Variants in CCDC25 observed in about 807,000 individuals in gnomAD.
CCDC25 encodes the protein coiled-coil domain-containing protein 25.
Under a neutral mutation model 35.3 loss-of-function variants are expected in CCDC25, and 16 were observed. The ratio of observed to expected loss-of-function variants is 0.45; its 90% CI spans 0.31 to 0.69. The LOEUF is 0.69. Ranked by LOEUF, CCDC25 falls within the 30% of genes least tolerant of loss-of-function variation. CCDC25 has a pLI of 0.06. For missense variants in CCDC25, 179 were observed against 250.7 expected (o/e 0.71, Z 1.93); for synonymous variants, 79 against 80.3 (o/e 0.98, Z 0.09).
At chr8:27,751,041 C>T (rs986109597) in intron 5 of CCDC25, among the ~76,000 whole-genome samples, 5 of 152,216 alleles carry the variant, frequency 3.3e-5, no homozygotes, top group African/African-American at 1.2e-4. Flanking sequence ...GCTAGCTGAG[C>T]TATCGTTGCA....
chr8:27,745,698 G>C (rs1247591221), intron 7 of CCDC25, among the ~76,000 whole-genome samples: 1 of 152,222 alleles, frequency 6.6e-6, no homozygotes, highest in East Asian at 1.9e-4. Context: ...CTCTGGATGT[G>C]CCAAGCAAAG....
intron 4 of CCDC25, 148 bp downstream of exon 4, chr8:27,756,571 G>A: frequency 1.6e-6 from 1 of 607,894 alleles, no homozygotes; most frequent in South Asian, 2.0e-5. Context: ...TGATTTTCTG[G>A]GTCAGAGGGA....
chr8:27,758,414 C>T (rs1258711022), intron 3 of CCDC25, among the ~76,000 whole-genome samples: 2 of 152,140 alleles, frequency 1.3e-5, no homozygotes, highest in African/African-American at 2.4e-5. Context: ...TATGATGACT[C>T]GAGGTTTTAC....
intron 7 of CCDC25, among the ~76,000 whole-genome samples, chr8:27,747,299 G>A (rs894060931): frequency 2.6e-5 from 4 of 151,894 alleles, no homozygotes; most frequent in African/African-American, 9.7e-5. Flanking sequence ...AAAAGGCAGT[G>A]GTCAGACAGG....
intron 3 of CCDC25, among the ~76,000 whole-genome samples, chr8:27,759,910 T>C (rs7818903): frequency 0.44 from 66,043 of 151,608 alleles, 14,651 homozygotes; most frequent in East Asian, 0.63. Context: ...AGGTAATGAA[T>C]GATTCAACAG....
chr8:27,740,659 A>G, intron 7 of CCDC25, 142 bp from the exon 8 acceptor site: 1 of 618,896 alleles, frequency 1.6e-6, no homozygotes, highest in East Asian at 2.8e-5. Flanking sequence ...CTCTGCACTC[A>G]AGGAGATTGC....
intron 7 of CCDC25, among the ~76,000 whole-genome samples, chr8:27,745,116 C>T (rs1219683128): frequency 6.6e-6 from 1 of 152,140 alleles, no homozygotes; most frequent in African/African-American, 2.4e-5. Context: ...CCACCTCAGC[C>T]TCCAGAGTAG....
At chr8:27,756,528 T>G (rs1804008995) in intron 4 of CCDC25, 191 bp downstream of exon 4, 1 of 570,672 alleles carries the variant, frequency 1.8e-6, no homozygotes. Flanking sequence ...ACTGCCTCCT[T>G]CTATATCTCA....
Position 27,748,094 on chromosome 8 carries a change from C to T in CCDC25, c.534G>A (p.Arg178=), listed in dbSNP as rs766484443. 4.3e-6 allele frequency: 7 copies of T among 1,611,538 alleles called. No individual in the cohort carries two copies. In the South Asian group the frequency reaches 7.7e-5, roughly 18 times the overall value. Residue 178 remains arginine, a synonymous_variant, in exon 7 of 9, where the codon AGG becomes AGA. Transcript: ENST00000356537. ...CGACATACCTAAGTTCATCCATTTC[C>T]CTCTTCTTCTTCATTTCTTCTTTTT... ...KREKEEMKKK[R]EMDELRSYSS...
At chr8:27,749,437 G>A (rs1201387098) in intron 5 of CCDC25, among the ~76,000 whole-genome samples, 3 of 152,218 alleles carry the variant, frequency 2.0e-5, no homozygotes, top group African/African-American at 7.2e-5. Context: ...ATGACATCAT[G>A]TGCTGCCTGA....
At chr8:27,742,203 A>G (rs1297817819) in intron 7 of CCDC25, among the ~76,000 whole-genome samples, 4 of 152,230 alleles carry the variant, frequency 2.6e-5, no homozygotes, top group Non-Finnish European at 4.4e-5. Flanking sequence ...AAAACTGAAG[A>G]CCAGTGGGAA....
chr8:27,756,010 C>T (rs1050908162), intron 4 of CCDC25, among the ~76,000 whole-genome samples: 20 of 152,184 alleles, frequency 1.3e-4, no homozygotes, highest in African/African-American at 4.3e-4. Context: ...TAGGTGACAG[C>T]GATGTGCCAA....
intron 5 of CCDC25, among the ~76,000 whole-genome samples, chr8:27,751,772 C>T (rs1803819504): frequency 6.6e-6 from 1 of 152,180 alleles, no homozygotes. Context: ...AATAATCATC[C>T]TTCTTGACCC....
intron 3 of CCDC25, among the ~76,000 whole-genome samples, chr8:27,758,170 C>T (rs1431830921): frequency 1.3e-5 from 2 of 152,118 alleles, no homozygotes; most frequent in Non-Finnish European, 2.9e-5. Flanking sequence ...CTTACCTTTC[C>T]AGACTGAAGA....
In CCDC25 at chr8:27,772,593, C is replaced by G. The variant is rs2128949816; in HGVS notation, c.-53G>C. 2 of 1,535,920 alleles carry G rather than the reference C, an allele frequency of 1.3e-6. No homozygotes were observed. The highest frequency in any genetic ancestry group is 8.8e-7 in the Non-Finnish European group (1 of 1,135,902). On this transcript the variant is annotated 5_prime_UTR_variant, in exon 1 of 9. Coordinates refer to ENST00000356537, the MANE Select transcript of CCDC25 (RefSeq NM_018246.3). ...CCGCGGAGCAGCAGCGCTCAACTCA[C>G]GAAGCTCAGGATACCAGACTCGCGG...
intron 7 of CCDC25, among the ~76,000 whole-genome samples, chr8:27,744,508 T>A (rs1037299635): frequency 2.0e-5 from 3 of 152,224 alleles, no homozygotes; most frequent in African/African-American, 4.8e-5. Context: ...TGGTTCTTCA[T>A]GAGACTGTCA....
At position 27,748,964 on chromosome 8, in the gene CCDC25, C is replaced by T. The variant is rs55918610; in HGVS notation, c.245-366G>A. Among the ~76,000 whole-genome samples the T allele has an allele frequency of 9.2e-4, 140 of 152,118 alleles. 1 individual carries two copies. The highest frequency in any genetic ancestry group is 3.2e-3 in the African/African-American group (132 of 41,470). On this transcript the variant is annotated intron_variant, in intron 5 of 8. Coordinates refer to ENST00000356537, the MANE Select transcript of CCDC25 (RefSeq NM_018246.3). ...CTTGACTCTGAAGGTTAAGCAGCAA[C>T]GGAAAGCCATGGCCTGGAACTCACA... is the stretch of plus-strand genomic sequence containing the variant.
chr8:27,770,624 A>G (rs925238793), intron 1 of CCDC25, among the ~76,000 whole-genome samples: 1 of 150,694 alleles, frequency 6.6e-6, no homozygotes, highest in Non-Finnish European at 1.5e-5. Flanking sequence ...CTGTAATCCC[A>G]GCTACACAGG....
In CCDC25 at chr8:27,765,203, C is replaced by T; in HGVS notation, c.76+1G>A. On this transcript the variant is annotated splice_donor_variant, in intron 2 of 8. Coordinates refer to ENST00000356537, the MANE Select transcript of CCDC25 (RefSeq NM_018246.3). LOFTEE classifies it high-confidence loss of function. ...AAAATCAAATGCTTTTGAAAACTTACTTTCATATTTATCTTTTCCCATGTA... is the reference window on the plus strand; with the variant it reads ...AAAATCAAATGCTTTTGAAAACTTATTTTCATATTTATCTTTTCCCATGTA... 6.6e-7 allele frequency: 1 copy of T among 1,509,800 alleles called. No individual in the cohort carries two copies. The highest frequency in any genetic ancestry group is 9.0e-7 in the Non-Finnish European group (1 of 1,114,114). The allele number at this position is 1,509,800 out of a possible 1,614,324, so 93.5% of individuals were successfully genotyped here.
Sources: allele counts gnomAD v4.1 joint callset (sites outside exome capture counted in the v4.1 genomes callset), GRCh38; gene constraint gnomAD v4.1.1; transcripts MANE v1.5; gene names NCBI Gene and HGNC (gene_info 2026-07-23, HGNC 2026-07-21).